RORA: variants seen among roughly 807,000 people sequenced by gnomAD.
RORA encodes the protein nuclear receptor ROR-alpha.
A neutral mutation model predicts 69.5 loss-of-function variants in RORA; 7 were observed. The ratio of observed to expected loss-of-function variants is 0.10; its 90% CI spans 0.06 to 0.19. The LOEUF is 0.19. Among genes scored for constraint, RORA ranks in the 10% least tolerant of loss-of-function variants. The probability of loss-of-function intolerance (pLI) is 1.00; values close to 1 mark genes in which losing one functional copy is unlikely to be tolerated. For missense variants in RORA, 457 were observed against 663.0 expected (o/e 0.69, Z 3.41); for synonymous variants, 261 against 240.8 (o/e 1.08, Z -0.78).
intron 1 of RORA, among the ~76,000 whole-genome samples, chr15:60,745,755 G>A (rs1284820285): frequency 6.6e-6 from 1 of 152,190 alleles, no homozygotes; most frequent in African/African-American, 2.4e-5. Context: ...AGGTCAGTGT[G>A]TTCACCTGCT....
intron 1 of RORA, among the ~76,000 whole-genome samples, chr15:61,222,808 T>C (rs542393763): frequency 1.3e-5 from 2 of 152,310 alleles, no homozygotes; most frequent in East Asian, 3.9e-4. Context: ...AAATGTTCTT[T>C]GTTGACATTC....
chr15:61,144,336 A>G (rs1172812880), intron 1 of RORA, among the ~76,000 whole-genome samples: 3 of 152,184 alleles, frequency 2.0e-5, no homozygotes, highest in Admixed American at 6.5e-5. Flanking sequence ...AAAGGAGCTG[A>G]GCCTTTTAGT....
intron 1 of RORA, among the ~76,000 whole-genome samples, chr15:60,814,898 G>A (rs2140371000): frequency 6.6e-6 from 1 of 152,314 alleles, no homozygotes; most frequent in East Asian, 1.9e-4. Context: ...CAACCCTGGG[G>A]TGAGGAAGGT....
At chr15:60,700,425 G>A (rs1484323168) in intron 1 of RORA, among the ~76,000 whole-genome samples, 1 of 152,140 alleles carries the variant, frequency 6.6e-6, no homozygotes, top group Non-Finnish European at 1.5e-5. Context: ...ATGTGATGAT[G>A]CTTAAGGGAA....
chr15:60,550,164 G>A (rs1227241455), intron 2 of RORA, among the ~76,000 whole-genome samples: 1 of 152,164 alleles, frequency 6.6e-6, no homozygotes, highest in South Asian at 2.1e-4. Flanking sequence ...GATGGCACAC[G>A]CCTATAATCC....
intron 1 of RORA, among the ~76,000 whole-genome samples, chr15:60,880,076 T>C (rs912567304): frequency 2.0e-5 from 3 of 152,200 alleles, no homozygotes; most frequent in African/African-American, 4.8e-5. Flanking sequence ...AATGTGTAAG[T>C]TGTAAGGAGC....
rs1326621575 is a variant in RORA, at chr15:60,687,006, C to T, written c.167-8320G>A. ...ACCTGGTCTGCAGCTCCCCCCAGAA[C>T]GAAGTCTGCTACTGATGGCAGAAGC... On this transcript the variant is annotated intron_variant, in intron 1 of 10. Coordinates refer to ENST00000335670, the MANE Select transcript of RORA (RefSeq NM_134261.3). 2.0e-5 allele frequency: 3 copies of T among 152,240 alleles called. No individual in the cohort carries two copies. The East Asian group carries it at 5.8e-4, about 29-fold the overall frequency. 9.4% of individuals were successfully genotyped at this position (152,240 alleles called of 1,614,324 possible).
At chr15:60,895,874 T>C (rs760440313) in intron 1 of RORA, among the ~76,000 whole-genome samples, 1 of 152,218 alleles carries the variant, frequency 6.6e-6, no homozygotes, top group Non-Finnish European at 1.5e-5. Context: ...GTTCATTTTG[T>C]GAGGCAAGAG....
intron 1 of RORA, among the ~76,000 whole-genome samples, chr15:61,132,532 ATAAG>A (rs1490133904): frequency 6.6e-6 from 1 of 152,234 alleles, no homozygotes; most frequent in Non-Finnish European, 1.5e-5. Flanking sequence ...AGATACTTTA[ATAAG>A]TAAGGTCAAA....
intron 1 of RORA, among the ~76,000 whole-genome samples, chr15:61,189,107 T>A (rs2140912800): frequency 6.6e-6 from 1 of 152,200 alleles, no homozygotes; most frequent in African/African-American, 2.4e-5. Context: ...TCTTGCTGAG[T>A]TGCCAGGTAA....
At chr15:60,524,755 C>G (rs2066291001) in intron 3 of RORA, among the ~76,000 whole-genome samples, 1 of 152,174 alleles carries the variant, frequency 6.6e-6, no homozygotes, top group Non-Finnish European at 1.5e-5. Flanking sequence ...GTGATAAAAA[C>G]AGTGGTGACG....
intron 1 of RORA, among the ~76,000 whole-genome samples, chr15:61,091,958 C>A (rs192633932): frequency 6.6e-6 from 1 of 152,180 alleles, no homozygotes; most frequent in Non-Finnish European, 1.5e-5. Flanking sequence ...TTGATGGTGG[C>A]CCCCAAGACT....
chr15:61,140,787 G>T (rs1202845323), intron 1 of RORA, among the ~76,000 whole-genome samples: 1 of 152,124 alleles, frequency 6.6e-6, no homozygotes, highest in African/African-American at 2.4e-5. Context: ...GTGGCGGGGG[G>T]TCAGGGGGAA....
At chr15:60,533,605 C>G (rs1208183895) in intron 2 of RORA, among the ~76,000 whole-genome samples, 1 of 152,176 alleles carries the variant, frequency 6.6e-6, no homozygotes, top group Non-Finnish European at 1.5e-5. Flanking sequence ...CGAGTTACGC[C>G]TAACATTTTT....
At chr15:61,033,976 T>C (rs1896320848) in intron 1 of RORA, among the ~76,000 whole-genome samples, 1 of 152,210 alleles carries the variant, frequency 6.6e-6, no homozygotes, top group East Asian at 1.9e-4. Context: ...ATATGTTACG[T>C]TAAATAAGCT....
At chr15:61,164,295 C>T (rs1297917585) in intron 1 of RORA, among the ~76,000 whole-genome samples, 5 of 152,194 alleles carry the variant, frequency 3.3e-5, no homozygotes, top group Admixed American at 6.5e-5. Flanking sequence ...TTACCAGCAG[C>T]GGCTGGCAGG....
rs573247599 is a variant in RORA, at chr15:60,705,047, G to T, written c.167-26361C>A. ...TTGCAGACGTTTGCTCTGAGTTTTCGTCTCGAAAATTTTGCTTTGTGTTTT... is the reference window on the plus strand; with the variant it reads ...TTGCAGACGTTTGCTCTGAGTTTTCTTCTCGAAAATTTTGCTTTGTGTTTT... On this transcript the variant is annotated intron_variant, in intron 1 of 10. Coordinates refer to ENST00000335670, the MANE Select transcript of RORA (RefSeq NM_134261.3). 4.4e-4 allele frequency among the ~76,000 whole-genome samples: 67 copies of T among 151,802 alleles called. 1 individual carries two copies. The highest frequency in any genetic ancestry group is 1.5e-3 in the African/African-American group (63 of 41,370).
chr15:61,006,267 G>T (rs1024557193), intron 1 of RORA, among the ~76,000 whole-genome samples: 1 of 151,760 alleles, frequency 6.6e-6, no homozygotes, highest in Non-Finnish European at 1.5e-5. Flanking sequence ...GTGCCCGGCC[G>T]TAATATTTTT....
intron 1 of RORA, among the ~76,000 whole-genome samples, chr15:60,764,255 G>A (rs1233669966): frequency 2.0e-5 from 3 of 151,896 alleles, no homozygotes; most frequent in Non-Finnish European, 4.4e-5. Context: ...GACTGGCCAA[G>A]CAGAGAGGCT....
Sources: gnomAD v4.1 joint callset for allele counts (sites outside exome capture counted in the v4.1 genomes callset) on GRCh38, gnomAD v4.1.1 for gene constraint, MANE v1.5 for transcripts, NCBI Gene and HGNC (gene_info 2026-07-23, HGNC 2026-07-21) for gene names.